Variants in OLA1 observed in about 807,000 individuals in gnomAD.
OLA1 encodes Obg like ATPase 1.
A neutral mutation model predicts 48.4 loss-of-function variants in OLA1; 14 were observed. The ratio of observed to expected loss-of-function variants is 0.29; its 90% CI spans 0.19 to 0.45. The LOEUF is 0.45. Ranked by LOEUF, OLA1 falls within the 20% of genes least tolerant of loss-of-function variation. The pLI is 1.00. For synonymous variants in OLA1, 127 were observed against 150.4 expected (o/e 0.84, Z 1.14); for missense variants, 325 against 467.1 (o/e 0.70, Z 2.80).
At chr2:174,227,457 T>C (rs978248973) in intron 3 of OLA1, among the ~76,000 whole-genome samples, 5 of 152,212 alleles carry the variant, frequency 3.3e-5, no homozygotes, top group Non-Finnish European at 7.3e-5. Context: ...TCTTTGTATT[T>C]AGTAAATACA....
At chr2:174,105,979 A>G (rs993640450) in intron 7 of OLA1, among the ~76,000 whole-genome samples, 11 of 151,056 alleles carry the variant, frequency 7.3e-5, no homozygotes, top group African/African-American at 1.9e-4. Flanking sequence ...ATATCTCAGT[A>G]TCTCTTTTTG....
chr2:174,244,218 GTGAAGTAAGATCATTCTACAAAA>G (rs1689075957), intron 2 of OLA1, among the ~76,000 whole-genome samples: 1 of 152,138 alleles, frequency 6.6e-6, no homozygotes, highest in South Asian at 2.1e-4. Context: ...ATACAGTTGT[GTGAAGTAAGATCATTCTACAAAA>G]AGTAGTGTTT....
At chr2:174,082,087 C>A (rs754399161) in intron 7 of OLA1, 23 bp from the exon 8 acceptor site, 1 of 1,612,054 alleles carries the variant, frequency 6.2e-7, no homozygotes, top group Non-Finnish European at 8.5e-7. Context: ...AAGGGCACAA[C>A]ATTATCTTGT....
At position 174,134,901 on chromosome 2, in the gene OLA1, C is replaced by A. The variant is rs1686267239; in HGVS notation, c.549+6924G>T. On this transcript the variant is annotated intron_variant, in intron 5 of 10. Transcript: ENST00000284719. ...ATGGGGCCGGGCGTGGTGGCTCATGCCTGTAATCCCAGCCCTTTGGGAGGC... is the reference window on the plus strand; with the variant it reads ...ATGGGGCCGGGCGTGGTGGCTCATGACTGTAATCCCAGCCCTTTGGGAGGC... Among the ~76,000 whole-genome samples, 3 of 152,268 alleles carry A rather than the reference C, an allele frequency of 2.0e-5. No individual in the cohort carries two copies. In the East Asian group the frequency reaches 5.8e-4, roughly 29 times the overall value.
chr2:174,135,354 T>C (rs531489361), intron 5 of OLA1, among the ~76,000 whole-genome samples: 15 of 152,284 alleles, frequency 9.9e-5, no homozygotes, highest in East Asian at 1.9e-4. Flanking sequence ...ATGTTGGCAC[T>C]ATCCCATAGG....
chr2:174,137,761 A>C (rs1686346571), intron 5 of OLA1, among the ~76,000 whole-genome samples: 1 of 152,186 alleles, frequency 6.6e-6, no homozygotes, highest in African/African-American at 2.4e-5. Context: ...CACCTCTCTC[A>C]GTTTTCTAAC....
chr2:174,146,578 G>C (rs1301855680), intron 4 of OLA1, among the ~76,000 whole-genome samples: 1 of 152,202 alleles, frequency 6.6e-6, no homozygotes, highest in African/African-American at 2.4e-5. Flanking sequence ...ACATCACCTA[G>C]AGAGAGCACT....
At chr2:174,154,008 G>A (rs374859525) in intron 4 of OLA1, among the ~76,000 whole-genome samples, 5 of 151,978 alleles carry the variant, frequency 3.3e-5, no homozygotes, top group South Asian at 2.1e-4. Context: ...GTGGAACTAC[G>A]AGTGCCTGCC....
chr2:174,077,734 GC>G (rs1235528820), intron 10 of OLA1, among the ~76,000 whole-genome samples: 1 of 151,840 alleles, frequency 6.6e-6, no homozygotes, highest in Admixed American at 6.6e-5. Flanking sequence ...TGGTAAACAG[GC>G]TTACCATTTT....
intron 7 of OLA1, among the ~76,000 whole-genome samples, chr2:174,113,512 C>T (rs1260327801): frequency 6.6e-6 from 1 of 151,914 alleles, no homozygotes; most frequent in Non-Finnish European, 1.5e-5. Context: ...GCTGTTGCCT[C>T]TTAACAATGT....
At chr2:174,099,324 T>A (rs1345131722) in intron 7 of OLA1, among the ~76,000 whole-genome samples, 1 of 152,006 alleles carries the variant, frequency 6.6e-6, no homozygotes, top group Non-Finnish European at 1.5e-5. Context: ...CCCAGCTAAT[T>A]TTTGCATTTT....
intron 7 of OLA1, among the ~76,000 whole-genome samples, chr2:174,106,278 C>A (rs889577531): frequency 2.0e-5 from 3 of 152,032 alleles, no homozygotes; most frequent in African/African-American, 4.8e-5. Context: ...AACAAAACAT[C>A]TCATATATAA....
intron 4 of OLA1, chr2:174,172,403 C>A: frequency 6.4e-6 from 1 of 155,150 alleles, no homozygotes. Flanking sequence ...GAAAAGTTCC[C>A]ACCTTCCTAT....
chr2:174,185,926 C>CAAAT (rs138608479), intron 4 of OLA1, among the ~76,000 whole-genome samples: 20,479 of 151,758 alleles, frequency 0.13, 1,783 homozygotes, highest in Non-Finnish European at 0.2. Flanking sequence ...GACTCCAACT[C>CAAAT]AAATAAATAA....
chr2:174,150,367 A>C lies in OLA1; in HGVS notation c.374-8367T>G, dbSNP rs545453697. ...TAGCAAGAAGACCCTCACCAGCTGC[A>C]GCCCGCTGAGCTTGTACTTTCCAGG... On this transcript the variant is annotated intron_variant, in intron 4 of 10. Coordinates refer to ENST00000284719, the MANE Select transcript of OLA1 (RefSeq NM_013341.5). Among the ~76,000 whole-genome samples the C allele has an allele frequency of 5.3e-5, 8 of 152,340 alleles. No homozygotes were observed. In the South Asian group the frequency reaches 8.3e-4, roughly 16 times the overall value.
At chr2:174,186,143 G>A (rs1687651830) in intron 4 of OLA1, among the ~76,000 whole-genome samples, 1 of 152,214 alleles carries the variant, frequency 6.6e-6, no homozygotes, top group East Asian at 1.9e-4. Flanking sequence ...TCATGTTTTT[G>A]AATGGGAAGA....
intron 5 of OLA1, among the ~76,000 whole-genome samples, chr2:174,133,496 G>A (rs1686231270): frequency 6.6e-6 from 1 of 152,198 alleles, no homozygotes; most frequent in South Asian, 2.1e-4. Flanking sequence ...AAGTAGCTGG[G>A]ATTACAGGCA....
intron 7 of OLA1, among the ~76,000 whole-genome samples, chr2:174,089,409 T>C (rs767976559): frequency 6.6e-6 from 1 of 152,168 alleles, no homozygotes; most frequent in East Asian, 1.9e-4. Flanking sequence ...GAGGCAGATA[T>C]TGACTACCTA....
intron 7 of OLA1, among the ~76,000 whole-genome samples, chr2:174,110,283 C>T (rs1442407327): frequency 6.7e-6 from 1 of 148,208 alleles, no homozygotes; most frequent in Non-Finnish European, 1.5e-5. Flanking sequence ...GGATTACAGG[C>T]ATGTGCCACC....
Sources: allele counts gnomAD v4.1 joint callset (sites outside exome capture counted in the v4.1 genomes callset), GRCh38; gene constraint gnomAD v4.1.1; transcripts MANE v1.5; gene names NCBI Gene and HGNC (gene_info 2026-07-23, HGNC 2026-07-21).